The following LRRTM4 variants were observed in gnomAD, a reference collection of about 807,000 sequenced individuals.
The protein encoded by LRRTM4 is leucine rich repeat transmembrane neuronal 4, also known as leucine-rich repeat transmembrane neuronal protein 4.
In LRRTM4, 25 loss-of-function variants were observed where a neutral mutation model predicts 47.6. That is an observed-to-expected ratio of 0.53 (90% CI 0.38 to 0.73). The LOEUF (loss-of-function observed/expected upper bound fraction) is 0.73. Among genes scored for constraint, LRRTM4 ranks in the 30% least tolerant of loss-of-function variants. LRRTM4 has a pLI of 0.00. For missense variants in LRRTM4, 638 were observed against 713.4 expected, an observed-to-expected ratio of 0.89 and a Z score of 1.20; for synonymous variants, 311 against 269.5, an observed-to-expected ratio of 1.15 and a Z score of -1.51.
At chr2:77,063,129 ATT>A (rs141643486) in intron 3 of LRRTM4, among the ~76,000 whole-genome samples, 1 of 147,868 alleles carries the variant, frequency 6.8e-6, no homozygotes, top group Non-Finnish European at 1.5e-5. Flanking sequence ...TAATCTTTGT[ATT>A]TTTTTTTTAG....
At chr2:77,089,904 AG>A (rs548393771) in intron 3 of LRRTM4, among the ~76,000 whole-genome samples, 78 of 152,188 alleles carry the variant, frequency 5.1e-4, no homozygotes, top group South Asian at 2.3e-3. Context: ...TTTACACATC[AG>A]TCCCTTCCTA....
intron 3 of LRRTM4, among the ~76,000 whole-genome samples, chr2:76,968,379 T>TAC (rs1421193678): frequency 8.8e-4 from 104 of 117,868 alleles, no homozygotes; most frequent in South Asian, 4.2e-3. Context: ...TATATATATA[T>TAC]ATATACACAT....
intron 3 of LRRTM4, among the ~76,000 whole-genome samples, chr2:76,779,922 G>A (rs986559363): frequency 2.9e-4 from 44 of 151,788 alleles, no homozygotes; most frequent in Non-Finnish European, 4.4e-4. Flanking sequence ...TCCATGTTTA[G>A]TGCTTCCTTC....
At chr2:77,004,497 G>A (rs976506881) in intron 3 of LRRTM4, among the ~76,000 whole-genome samples, 23 of 152,110 alleles carry the variant, frequency 1.5e-4, no homozygotes, top group Admixed American at 3.3e-4. Context: ...AGATTTCAGA[G>A]CATGTATGAA....
rs1029559203 is a variant in LRRTM4 at position 76,968,535 on chromosome 2, C to T, written c.1552-219619G>A. 3.3e-5 allele frequency among the ~76,000 whole-genome samples: 5 copies of T among 150,992 alleles called. No homozygotes were observed. In the East Asian group the frequency reaches 9.8e-4, roughly 30 times the overall value. On this transcript the variant is annotated intron_variant, in intron 3 of 3. Transcript: ENST00000409884. Reference sequence around the variant, plus strand: ...TGTATGTATATTGAAAAAAATATCTCTTCAACAGCTAGGCTAGTCGTTCTC... The same window carrying T: ...TGTATGTATATTGAAAAAAATATCTTTTCAACAGCTAGGCTAGTCGTTCTC...
At chr2:76,751,548 G>A (rs71420956) in intron 3 of LRRTM4, among the ~76,000 whole-genome samples, 109 of 152,100 alleles carry the variant, frequency 7.2e-4, no homozygotes, top group African/African-American at 2.5e-3. Flanking sequence ...TGACATGGCC[G>A]AATTACTAGA....
At chr2:77,500,054 T>C (rs1678513430) in intron 3 of LRRTM4, among the ~76,000 whole-genome samples, 1 of 151,746 alleles carries the variant, frequency 6.6e-6, no homozygotes, top group Admixed American at 6.6e-5. Flanking sequence ...TTCCCCAGTA[T>C]AAAGACACTC....
chr2:77,505,215 A>G (rs1423805422), intron 3 of LRRTM4, among the ~76,000 whole-genome samples: 1 of 151,210 alleles, frequency 6.6e-6, no homozygotes, highest in African/African-American at 2.4e-5. Flanking sequence ...TTATGAAACA[A>G]TATATATAAA....
chr2:76,772,261 C>A (rs1673745007), intron 3 of LRRTM4, among the ~76,000 whole-genome samples: 1 of 152,234 alleles, frequency 6.6e-6, no homozygotes, highest in Middle Eastern at 3.4e-3. Flanking sequence ...GGGAGGACAT[C>A]AGATCAGCCA....
intron 3 of LRRTM4, among the ~76,000 whole-genome samples, chr2:77,130,824 ATTTTTTTTTTT>A (rs768577274): frequency 2.8e-3 from 100 of 35,634 alleles, no homozygotes; most frequent in African/African-American, 0.012. Flanking sequence ...TATTTGTTCT[ATTTTTTTTTTT>A]TTTTTTTTTT....
intron 3 of LRRTM4, 52 bp from the exon 4 acceptor site, chr2:76,748,968 A>T (rs1256289970): frequency 6.9e-7 from 1 of 1,451,240 alleles, no homozygotes; most frequent in Non-Finnish European, 9.6e-7. Context: ...CTTTGGAAAG[A>T]TAGGACAGCA....
intron 3 of LRRTM4, among the ~76,000 whole-genome samples, chr2:77,002,106 A>G (rs778232465): frequency 2.0e-5 from 3 of 152,126 alleles, no homozygotes; most frequent in East Asian, 1.9e-4. Context: ...CAAATCTTCA[A>G]TGTCACACTC....
At chr2:77,298,473 A>G (rs1488712139) in intron 3 of LRRTM4, among the ~76,000 whole-genome samples, 1 of 152,082 alleles carries the variant, frequency 6.6e-6, no homozygotes, top group Non-Finnish European at 1.5e-5. Flanking sequence ...TCCTGACCTC[A>G]TGATCCGCCC....
chr2:76,806,254 G>C (rs75876346), intron 3 of LRRTM4, among the ~76,000 whole-genome samples: 6,770 of 152,192 alleles, frequency 0.044, 456 homozygotes, highest in African/African-American at 0.14. Flanking sequence ...ATTAGAAGAT[G>C]TCATTTTGAA....
At chr2:76,858,392 C>A (rs958600965) in intron 3 of LRRTM4, among the ~76,000 whole-genome samples, 1 of 152,204 alleles carries the variant, frequency 6.6e-6, no homozygotes, top group Non-Finnish European at 1.5e-5. Context: ...CTCTTCTTGG[C>A]TGCAGCCTGC....
intron 3 of LRRTM4, among the ~76,000 whole-genome samples, chr2:77,081,711 G>A (rs72927330): frequency 0.02 from 3,071 of 152,158 alleles, 112 homozygotes; most frequent in African/African-American, 0.07. Flanking sequence ...ACGTATTCTG[G>A]ATAGGCTTTT....
At chr2:77,010,928 G>T (rs970878205) in intron 3 of LRRTM4, among the ~76,000 whole-genome samples, 9 of 152,032 alleles carry the variant, frequency 5.9e-5, no homozygotes, top group African/African-American at 2.2e-4. Flanking sequence ...CATATGAAAG[G>T]CAACATTCAA....
rs150898976 is a variant in LRRTM4 at position 77,035,390 on chromosome 2, C to G, written c.1552-286474G>C. On this transcript the variant is annotated intron_variant, in intron 3 of 3. Coordinates refer to ENST00000409884, the MANE Select transcript of LRRTM4 (RefSeq NM_001134745.3). Reference sequence around the variant, plus strand: ...ACCTGGCTATTGACATTGGTATAATCAAGAAACAGCATGTCCATCACTACG... The same window carrying G: ...ACCTGGCTATTGACATTGGTATAATGAAGAAACAGCATGTCCATCACTACG... 4.9e-3 allele frequency among the ~76,000 whole-genome samples: 743 copies of G among 151,876 alleles called. 11 individuals carry two copies. The highest frequency in any genetic ancestry group is 0.017 in the African/African-American group (715 of 41,500).
intron 3 of LRRTM4, among the ~76,000 whole-genome samples, chr2:76,832,739 G>A (rs1427042030): frequency 3.3e-5 from 5 of 151,970 alleles, no homozygotes; most frequent in Middle Eastern, 3.4e-3. Context: ...AAAAGCCAGC[G>A]ATGACATTTC....
Sources: allele counts gnomAD v4.1 joint callset (sites outside exome capture counted in the v4.1 genomes callset), GRCh38; gene constraint gnomAD v4.1.1; transcripts MANE v1.5; gene names NCBI Gene and HGNC (gene_info 2026-07-23, HGNC 2026-07-21).